SESTD1: variants seen among roughly 807,000 people sequenced by gnomAD.
The protein encoded by SESTD1 is SEC14 and spectrin domain containing 1.
In SESTD1, 43 loss-of-function variants were observed where a neutral mutation model predicts 101.7. That is an observed-to-expected ratio of 0.42 (90% CI 0.33 to 0.55). The LOEUF (loss-of-function observed/expected upper bound fraction) is 0.55, where lower values mean the gene tolerates loss of function less well. Among genes scored for constraint, SESTD1 ranks in the 20% least tolerant of loss-of-function variants. The pLI is 0.07. For missense variants in SESTD1, 647 were observed against 815.1 expected (o/e 0.79, Z 2.51); for synonymous variants, 283 against 286.8 (o/e 0.99, Z 0.13).
At chr2:179,219,853 A>G (rs1207996673) in intron 1 of SESTD1, among the ~76,000 whole-genome samples, 1 of 152,190 alleles carries the variant, frequency 6.6e-6, no homozygotes, top group East Asian at 1.9e-4. Flanking sequence ...CTTTCACCAA[A>G]ATACAGATTT....
chr2:179,240,784 AG>A (rs148733056), intron 1 of SESTD1, among the ~76,000 whole-genome samples: 4,005 of 152,228 alleles, frequency 0.026, 81 homozygotes, highest in Admixed American at 0.035. Flanking sequence ...GTGAAGTGAG[AG>A]AAAGCCAAGT....
chr2:179,137,676 T>C (rs887498760), intron 9 of SESTD1, among the ~76,000 whole-genome samples: 1 of 152,230 alleles, frequency 6.6e-6, no homozygotes, highest in Non-Finnish European at 1.5e-5. Context: ...ACATGAAGTC[T>C]TGTGCTACCA....
Position 179,181,534 on chromosome 2 carries a change from T to C in SESTD1, c.164+1546A>G, listed in dbSNP as rs532625284. The stretch of plus-strand genomic sequence containing the variant: ...TTGAACCTCAGAATTGGACTTCACA[T>C]GAGATGCAACTACACTGAATTCTAC... On this transcript the variant is annotated intron_variant, in intron 3 of 17. Coordinates refer to ENST00000428443, the MANE Select transcript of SESTD1 (RefSeq NM_178123.5). Among the ~76,000 whole-genome samples, 9 of 152,226 alleles carry C rather than the reference T, an allele frequency of 5.9e-5. No homozygotes were observed. The South Asian group carries it at 1.7e-3, about 28-fold the overall frequency.
intron 7 of SESTD1, 120 bp from the exon 8 acceptor site, chr2:179,146,577 C>T (rs959398885): frequency 5.5e-6 from 4 of 732,216 alleles, no homozygotes; most frequent in African/African-American, 3.6e-5. Context: ...CTGAAGCATA[C>T]CATCCTACCA....
chr2:179,224,181 TA>T (rs2046851011), intron 1 of SESTD1, among the ~76,000 whole-genome samples: 2 of 152,266 alleles, frequency 1.3e-5, no homozygotes, highest in South Asian at 4.1e-4. Context: ...CACCTCCAAA[TA>T]AAAATAACAA....
At chr2:179,185,504 C>T (rs1263118841) in intron 2 of SESTD1, among the ~76,000 whole-genome samples, 7 of 134,632 alleles carry the variant, frequency 5.2e-5, no homozygotes, top group Admixed American at 1.6e-4. Context: ...TATATTATAT[C>T]GTATATTGTA....
At chr2:179,237,367 T>C (rs2047083712) in intron 1 of SESTD1, among the ~76,000 whole-genome samples, 2 of 152,196 alleles carry the variant, frequency 1.3e-5, no homozygotes, top group Admixed American at 1.3e-4. Flanking sequence ...TTTGTGTTAG[T>C]CTTTTTGGGG....
At chr2:179,246,529 C>T (rs986768939) in intron 1 of SESTD1, among the ~76,000 whole-genome samples, 1 of 152,096 alleles carries the variant, frequency 6.6e-6, no homozygotes, top group African/African-American at 2.4e-5. Context: ...AAGTGTCTAT[C>T]GAACAACTAC....
At position 179,176,321 on chromosome 2, in the gene SESTD1, AT is replaced by A; in HGVS notation, c.255+126del. Reference sequence around the variant, plus strand: ...TGAACAATCCAATAGTGATAAGTGCATTTTCACAACTCAGTCACTGCTAGGA... The same window carrying A: ...TGAACAATCCAATAGTGATAAGTGCATTTCACAACTCAGTCACTGCTAGGA... On this transcript the variant is annotated intron_variant, in intron 4 of 17. Transcript: ENST00000428443. 7 of 688,240 alleles carry A rather than the reference AT, an allele frequency of 1.0e-5. No homozygotes were observed. The South Asian group carries it at 1.3e-4, about 13-fold the overall frequency. 42.6% of individuals were successfully genotyped at this position (688,240 alleles called of 1,614,324 possible). A position where few individuals can be genotyped will look rare whatever the true frequency, so the allele number is the denominator to read the frequency against.
At chr2:179,222,841 T>C (rs2046833051) in intron 1 of SESTD1, among the ~76,000 whole-genome samples, 1 of 152,198 alleles carries the variant, frequency 6.6e-6, no homozygotes, top group Non-Finnish European at 1.5e-5. Flanking sequence ...CCTAGGCTCC[T>C]GCAACTCTGT....
chr2:179,213,687 A>T (rs2046680770), intron 1 of SESTD1, among the ~76,000 whole-genome samples: 1 of 135,042 alleles, frequency 7.4e-6, no homozygotes, highest in Non-Finnish European at 1.6e-5. Flanking sequence ...ACCCAAAGAC[A>T]CATAACTGTC....
chr2:179,136,349 G>A (rs1325900686), intron 9 of SESTD1, among the ~76,000 whole-genome samples: 1 of 152,076 alleles, frequency 6.6e-6, no homozygotes, highest in Non-Finnish European at 1.5e-5. Context: ...ACTCTTTATG[G>A]AGTTTATTTC....
rs1196936423 is a variant in SESTD1, at chr2:179,201,300, T to C, written c.-25-9434A>G. On this transcript the variant is annotated intron_variant, in intron 1 of 17. Transcript: ENST00000428443. Reference sequence around the variant, plus strand: ...AGGTGCTGGAGAGGATGTGGAGAAATAGGAACACTTTTACACTGTTGGTGG... The same window carrying C: ...AGGTGCTGGAGAGGATGTGGAGAAACAGGAACACTTTTACACTGTTGGTGG... Among the ~76,000 whole-genome samples the C allele has an allele frequency of 1.6e-5, 2 of 128,038 alleles. 1 individual carries two copies. The highest frequency in any genetic ancestry group is 6.8e-5 in the African/African-American group (2 of 29,552). The allele number at this position is 128,038 out of a possible 152,430, so 84.0% of individuals were successfully genotyped here.
intron 1 of SESTD1, among the ~76,000 whole-genome samples, chr2:179,222,074 G>C (rs2046823676): frequency 6.6e-6 from 1 of 152,128 alleles, no homozygotes; most frequent in South Asian, 2.1e-4. Flanking sequence ...TAGGACACAT[G>C]GAAAACCAAG....
In SESTD1 at chr2:179,138,106, TAAAGA is replaced by T. The variant is rs144512955; in HGVS notation, c.849+5481_849+5485del. Among the ~76,000 whole-genome samples, 1,123 of 152,242 alleles carry T rather than the reference TAAAGA, an allele frequency of 7.4e-3. 12 individuals are homozygous for T. The highest frequency in any genetic ancestry group is 0.026 in the African/African-American group (1,060 of 41,502). On this transcript the variant is annotated intron_variant, in intron 9 of 17. Coordinates refer to ENST00000428443, the MANE Select transcript of SESTD1 (RefSeq NM_178123.5). ...CAAACAAATTCACTTGTTATCCTGA[TAAAGA>T]AAACTGAATATGAAGTTTACCAGTT... is the stretch of plus-strand genomic sequence containing the variant.
rs185353777 is a variant in SESTD1, at chr2:179,246,236, T to C, written c.-26+18263A>G. Among the ~76,000 whole-genome samples, 552 of 114,734 alleles carry C rather than the reference T, an allele frequency of 4.8e-3. 6 individuals carry two copies. Among genetic ancestry groups the C allele is most frequent in the African/African-American group, 0.018 (512 of 28,466 alleles). 75.3% of individuals were successfully genotyped at this position (114,734 alleles called of 152,430 possible). On this transcript the variant is annotated intron_variant, in intron 1 of 17. Coordinates refer to ENST00000428443, the MANE Select transcript of SESTD1 (RefSeq NM_178123.5). ...TGCCACTGCACTGCGGCCTGGGTGA[T>C]AGAGTGAGACTCCATCTCAAAAAAA...
chr2:179,189,849 C>A (rs1014054340), intron 2 of SESTD1, among the ~76,000 whole-genome samples: 12 of 151,988 alleles, frequency 7.9e-5, no homozygotes, highest in East Asian at 1.9e-4. Flanking sequence ...CCTAAAACTA[C>A]ACCTAAGCAA....
rs2044661527 is a variant in SESTD1 at position 179,117,591 on chromosome 2, G to A, written c.1465C>T (p.Arg489Ter). ...ACCATCTGAAGCATCTTTAACCTTCGCACATCTACCATGTCTTCACATCTA... is the reference window on the plus strand; with the variant it reads ...ACCATCTGAAGCATCTTTAACCTTCACACATCTACCATGTCTTCACATCTA... ...KQRCEDMVDVRRLKMLQMVQL... is the reference protein window; with the variant it reads ...KQRCEDMVDV The change falls in exon 14 of 18, where the codon CGA becomes TGA. Residue 489 changes from arginine to a stop codon, truncating the protein, a stop_gained. Transcript: ENST00000428443. LOFTEE classifies it high-confidence loss of function. 2 of 1,580,358 alleles carry A rather than the reference G, an allele frequency of 1.3e-6. No individual in the cohort carries two copies. Among genetic ancestry groups the A allele is most frequent in the Non-Finnish European group, 1.7e-6 (2 of 1,168,810 alleles).
At chr2:179,130,411 G>A (rs1180964618) in intron 10 of SESTD1, among the ~76,000 whole-genome samples, 1 of 152,036 alleles carries the variant, frequency 6.6e-6, no homozygotes, top group Non-Finnish European at 1.5e-5. Context: ...ACCCTTAAGC[G>A]ATGTTTCTTT....
Sources: gnomAD v4.1 joint callset for allele counts (sites outside exome capture counted in the v4.1 genomes callset) on GRCh38, gnomAD v4.1.1 for gene constraint, MANE v1.5 for transcripts, NCBI Gene and HGNC (gene_info 2026-07-23, HGNC 2026-07-21) for gene names.